The following NCL variants were observed in gnomAD, a reference collection of about 807,000 sequenced individuals.
NCL encodes the protein nucleolin multifunctional protein.
NCL carries 4 observed loss-of-function variants against 77.7 expected under a neutral mutation model. The ratio of observed to expected loss-of-function variants is 0.05; its 90% CI spans 0.03 to 0.12. The LOEUF (loss-of-function observed/expected upper bound fraction) is 0.12. Ranked by LOEUF, NCL falls within the 10% of genes least tolerant of loss-of-function variation. NCL has a pLI of 1.00. For synonymous variants in NCL, 344 were observed against 297.8 expected, an observed-to-expected ratio of 1.16 and a Z score of -1.60; for missense variants, 763 against 860.9, an observed-to-expected ratio of 0.89 and a Z score of 1.42.
chr2:231,455,792 G>A (rs769812342), intron 12 of NCL, 168 bp from the exon 13 acceptor site: 8 of 1,131,330 alleles, frequency 7.1e-6, no homozygotes, highest in Non-Finnish European at 8.0e-6. Context: ...GTGACAGCTT[G>A]AACCCCAGAA....
At chr2:231,462,562 G>C in intron 2 of NCL, 1 of 516,026 alleles carries the variant, frequency 1.9e-6, no homozygotes, top group South Asian at 1.4e-5. Flanking sequence ...TTTGATAAAA[G>C]TCATCATTTA....
Position 231,454,556 on chromosome 2 carries a change from A to T in NCL, c.*635T>A, listed in dbSNP as rs997650319. ...TGCTAAAAGTAGGAGAAGCTGCAGC[A>T]GCCTTCAAGTCAGCACCAGGGCTGC... On this transcript the variant is annotated 3_prime_UTR_variant, in exon 14 of 14. Coordinates refer to ENST00000322723, the MANE Select transcript of NCL (RefSeq NM_005381.3). 6.5e-6 allele frequency: 1 copy of T among 152,862 alleles called. No individual in the cohort carries two copies. The highest frequency in any genetic ancestry group is 2.4e-5 in the African/African-American group (1 of 41,460). The allele number at this position is 152,862 out of a possible 1,614,324, so 9.5% of individuals were successfully genotyped here. A position where few individuals can be genotyped will look rare whatever the true frequency, so the allele number is the denominator to read the frequency against.
rs1460927860 is a variant in NCL at position 231,454,489 on chromosome 2, C to T, written c.*702G>A. 1.3e-5 allele frequency: 2 copies of T among 152,348 alleles called. No homozygotes were observed. Among genetic ancestry groups the T allele is most frequent in the Non-Finnish European group, 2.9e-5 (2 of 68,150 alleles). The allele number at this position is 152,348 out of a possible 1,614,324, so 9.4% of individuals were successfully genotyped here. On this transcript the variant is annotated 3_prime_UTR_variant, in exon 14 of 14. Transcript: ENST00000322723. ...AGGAAACCTGACTAATCTGTTCCTGCACCTCTTTCCAGAGTGGTCTTCAGG... is the reference window on the plus strand; with the variant it reads ...AGGAAACCTGACTAATCTGTTCCTGTACCTCTTTCCAGAGTGGTCTTCAGG...
rs765226655 is a variant in NCL, at chr2:231,456,664, G to T, written c.1672C>A (p.Gln558Lys). ...IEGRAIRLEL[Q>K]GPRGSPNARS... ...GCATTAGGTGATCCCCTGGGTCCTT[G>T]CAACTCCAGCCTGATTGCTCTGCCC... Residue 558 changes from glutamine (Q) to lysine (K), a missense_variant, in exon 11 of 14, where the codon CAA becomes AAA. Transcript: ENST00000322723. 6.2e-7 allele frequency: 1 copy of T among 1,614,092 alleles called. No homozygotes were observed. Among genetic ancestry groups the T allele is most frequent in the Non-Finnish European group, 8.5e-7 (1 of 1,180,016 alleles).
At position 231,456,793 on chromosome 2, in the gene NCL, AAGTT is replaced by A; in HGVS notation, c.1572-33_1572-30del. The A allele has an allele frequency of 1.9e-6, 3 of 1,612,544 alleles. No homozygotes were observed. The African/African-American group carries it at 4.0e-5, about 22-fold the overall frequency. ...AGGATGAACAGTTAATGCTTAGAGTAAGTTACCAGGCACATGCTCCTTCACTGTC... is the reference window on the plus strand; with the variant it reads ...AGGATGAACAGTTAATGCTTAGAGTAACCAGGCACATGCTCCTTCACTGTC... On this transcript the variant is annotated intron_variant, in intron 10 of 13. Transcript: ENST00000322723.
At chr2:231,455,975 C>CA (rs1559540006) in intron 12 of NCL, 35 bp downstream of exon 12, 1 of 1,614,114 alleles carries the variant, frequency 6.2e-7, no homozygotes, top group Admixed American at 1.7e-5. Flanking sequence ...AAAACCCCTT[C>CA]AAGTGGAAGC....
intron 7 of NCL, chr2:231,458,763 G>T: frequency 2.2e-6 from 1 of 454,350 alleles, no homozygotes; most frequent in Non-Finnish European, 3.8e-6. Context: ...AATAATTCTT[G>T]TTCTGTATAA....
Position 231,461,576 on chromosome 2 carries a change from C to T in NCL, c.577G>A (p.Glu193Lys). Residue 193 changes from glutamate to lysine, a missense_variant, in exon 3 of 14, where the codon GAA becomes AAA. Transcript: ENST00000322723. ...ASEDEDDEDD[E>K]DDEDDDDDEE... Reference sequence around the variant, plus strand: ...TCGTCATCGTCATCCTCATCATCTTCGTCATCCTCATCGTCCTCATCCTCT... The same window carrying T: ...TCGTCATCGTCATCCTCATCATCTTTGTCATCCTCATCGTCCTCATCCTCT... The T allele has an allele frequency of 6.2e-7, 1 of 1,613,402 alleles. No individual in the cohort carries two copies.
chr2:231,464,162 C>T, intron 1 of NCL, 174 bp downstream of exon 1: 1 of 1,420,014 alleles, frequency 7.0e-7, no homozygotes, highest in Non-Finnish European at 9.3e-7. Context: ...CTCTTCACCT[C>T]GCCACCAAGT....
chr2:231,457,698 A>T lies in NCL; in HGVS notation c.1392T>A (p.Thr464=), dbSNP rs987779404. Residue 464 remains threonine, a synonymous_variant, in exon 9 of 14, where the codon ACT becomes ACA. Transcript: ENST00000322723. ...AGTCTTGATTTTGACCTTTCTCTCC[A>T]GTATAGTACAGGGAAATAGATCGCC... ...IDGRSISLYY[T]GEKGQNQDYR... is the part of the protein sequence containing the mutation. 6.2e-7 allele frequency: 1 copy of T among 1,612,372 alleles called. No individual in the cohort carries two copies. The highest frequency in any genetic ancestry group is 1.3e-5 in the African/African-American group (1 of 74,880).
intron 12 of NCL, 119 bp from the exon 13 acceptor site, chr2:231,455,743 A>G: frequency 7.8e-7 from 1 of 1,279,426 alleles, no homozygotes; most frequent in South Asian, 1.2e-5. Flanking sequence ...GGGAAAAGAT[A>G]CCAGTGACAG....
intron 9 of NCL, chr2:231,457,359 T>C: frequency 3.9e-6 from 3 of 773,184 alleles, no homozygotes; most frequent in Non-Finnish European, 6.8e-6. Flanking sequence ...TAGAATCATC[T>C]GAGTTCAAAA....
At chr2:231,457,296 T>C (rs769367952) in intron 9 of NCL, 172 bp from the exon 10 acceptor site, 7 of 942,102 alleles carry the variant, frequency 7.4e-6, no homozygotes, top group East Asian at 2.6e-5. Flanking sequence ...CTAGTACGTG[T>C]TGCAATGTCC....
chr2:231,461,811 TGGTGTGGCTCCCTTCTTGCCA>T lies in NCL; in HGVS notation c.321_341del (p.Lys110_Lys116del). On this transcript the variant is annotated inframe_deletion, in exon 3 of 14. Transcript: ENST00000322723. The stretch of plus-strand genomic sequence containing the variant: ...CAGGAGTTGCTACCAATGCTTTGCC[TGGTGTGGCTCCCTTCTTGCCA>T]GGTGTGGTAACTGCTTTGGCTGGTG... 1 of 1,613,542 alleles carries T rather than the reference TGGTGTGGCTCCCTTCTTGCCA, an allele frequency of 6.2e-7. No homozygotes were observed. Among genetic ancestry groups the T allele is most frequent in the Non-Finnish European group, 8.5e-7 (1 of 1,179,950 alleles).
Position 231,457,015 on chromosome 2 carries a change from A to G in NCL, c.1557T>C (p.Asn519=), listed in dbSNP as rs2046897152. ...ATFIKVPQNQ[N]GKSKGYAFIE... The stretch of plus-strand genomic sequence containing the variant: ...TATTATCTTACCCTTTAGATTTGCC[A>G]TTTTGGTTCTGGGGTACTTTGATAA... Residue 519 remains asparagine, a synonymous_variant, in exon 10 of 14, where the codon AAT becomes AAC. Coordinates refer to ENST00000322723, the MANE Select transcript of NCL (RefSeq NM_005381.3). 2 of 1,613,956 alleles carry G rather than the reference A, an allele frequency of 1.2e-6. No homozygotes were observed. Among genetic ancestry groups the G allele is most frequent in the African/African-American group, 2.7e-5 (2 of 74,896 alleles).
chr2:231,460,558 A>G lies in NCL; in HGVS notation c.818T>C (p.Val273Ala). 1 of 1,614,132 alleles carries G rather than the reference A, an allele frequency of 6.2e-7. No individual in the cohort carries two copies. Reference protein sequence around the residue: ...EEEEEEEEEPVKEAPGKRKKE... With the variant: ...EEEEEEEEEPAKEAPGKRKKE... ...CTTTCGTTTTCCAGGTGCTTCTTTGACAGGCTCTGGACAAGATGTCAAACA... is the reference window on the plus strand; with the variant it reads ...CTTTCGTTTTCCAGGTGCTTCTTTGGCAGGCTCTGGACAAGATGTCAAACA... The change falls in exon 5 of 14, where the codon GTC becomes GCC. Residue 273 changes from valine to alanine, a missense_variant. Around this residue, in one of 2 missense-constraint regions of NCL, gnomAD observed 590 missense variants for 570.5 expected, o/e 1.03. Coordinates refer to ENST00000322723, the MANE Select transcript of NCL (RefSeq NM_005381.3).
At position 231,464,232 on chromosome 2, in the gene NCL, T is replaced by C. The variant is rs759116101; in HGVS notation, c.18+104A>G. On this transcript the variant is annotated intron_variant, in intron 1 of 13. Coordinates refer to ENST00000322723, the MANE Select transcript of NCL (RefSeq NM_005381.3). The stretch of plus-strand genomic sequence containing the variant: ...CGAGACTTCCCGCAGCATGGCGCCC[T>C]AGAACGCGCCCGGGACTGCGCGCAG... 1.3e-3 allele frequency: 1,956 copies of C among 1,503,326 alleles called. 5 individuals carry two copies. Among genetic ancestry groups the C allele is most frequent in the Non-Finnish European group, 1.6e-3 (1,756 of 1,112,650 alleles). The allele number at this position is 1,503,326 out of a possible 1,614,324, so 93.1% of individuals were successfully genotyped here.
rs373538733 is a variant in NCL at position 231,461,631 on chromosome 2, C to G, written c.522G>C (p.Ala174=). 6.2e-7 allele frequency: 1 copy of G among 1,603,476 alleles called. No individual in the cohort carries two copies. The highest frequency in any genetic ancestry group is 1.3e-5 in the African/African-American group (1 of 74,682). ...DEDEDEIEPA[A]MKAAAAAPAS... ...CAGGGGCAGCAGCTGCTGCTTTCATCGCTGCTGGTTCAATTTCATCTTCAT... is the reference window on the plus strand; with the variant it reads ...CAGGGGCAGCAGCTGCTGCTTTCATGGCTGCTGGTTCAATTTCATCTTCAT... Residue 174 remains alanine, a synonymous_variant, in exon 3 of 14, where the codon GCG becomes GCC. Transcript: ENST00000322723.
At chr2:231,457,449 T>G in intron 9 of NCL, 194 bp downstream of exon 9, 1 of 767,956 alleles carries the variant, frequency 1.3e-6, no homozygotes, top group Non-Finnish European at 2.3e-6. Flanking sequence ...CAATGCAAAA[T>G]GATTTTAGAG....
Sources: gnomAD v4.1 joint callset for allele counts on GRCh38, gnomAD v4.1.1 for gene constraint, gnomAD v4.1.1 regional missense constraint, MANE v1.5 for transcripts, NCBI Gene and HGNC (gene_info 2026-07-23, HGNC 2026-07-21) for gene names.